VPS13A: variants seen among roughly 807,000 people sequenced by gnomAD.
VPS13A encodes intermembrane lipid transfer protein VPS13A.
A neutral mutation model predicts 390.9 loss-of-function variants in VPS13A; 264 were observed. That is an observed-to-expected ratio of 0.68 (90% CI 0.61 to 0.75). The LOEUF is 0.75. VPS13A is among the 30% of genes least tolerant of loss of function. VPS13A has a pLI of 0.00. For missense variants in VPS13A, 3,409 were observed against 3,733.9 expected (o/e 0.91, Z 2.27); for synonymous variants, 1,231 against 1,227.1 (o/e 1.00, Z -0.07).
At chr9:77,357,636 A>G in intron 55 of VPS13A, 56 bp from the exon 56 acceptor site, 2 of 1,568,686 alleles carry the variant, frequency 1.3e-6, no homozygotes, top group Non-Finnish European at 1.7e-6. Flanking sequence ...TTAATTTCTA[A>G]TTCTAGTCAT....
At chr9:77,291,453 T>G (rs1380728172) in intron 31 of VPS13A, among the ~76,000 whole-genome samples, 1 of 152,196 alleles carries the variant, frequency 6.6e-6, no homozygotes, top group Non-Finnish European at 1.5e-5. Context: ...GCCTCTTTTC[T>G]GCTAAGCTAT....
rs1245572325 is a variant in VPS13A at position 77,219,955 on chromosome 9, A to G, written c.756A>G (p.Val252=). The G allele has an allele frequency of 3.7e-6, 6 of 1,613,288 alleles. No individual in the cohort carries two copies. The highest frequency in any genetic ancestry group is 1.1e-5 in the South Asian group (1 of 91,040). ...TTTTCCATTTTTATTATTTTTCAGT[A>G]TTTCGTCCCATATCTGCTAATGCCA... ...ENIVPEGYDF[V]FRPISANAKL... Residue 252 remains valine, a splice_region_variant and synonymous_variant, in exon 11 of 72, where the codon GTA becomes GTG. Transcript: ENST00000360280.
Position 77,303,028 on chromosome 9 carries a change from G to C in VPS13A, c.3926G>C (p.Cys1309Ser), listed in dbSNP as rs1357958325. The C allele has an allele frequency of 6.2e-7, 1 of 1,613,986 alleles. No homozygotes were observed. The highest frequency in any genetic ancestry group is 1.3e-5 in the African/African-American group (1 of 75,036). Residue 1309 changes from cysteine to serine, a missense_variant, in exon 34 of 72, where the codon TGT (cysteine) becomes TCT (serine). Cys to Ser is a moderately radical substitution (Grantham distance 112). Coordinates refer to ENST00000360280, the MANE Select transcript of VPS13A (RefSeq NM_033305.3). ...LCWEWYQEVP[C>S]FNVNAQLKPM... is the part of the protein sequence containing the mutation. ...TGGGAGTGGTACCAGGAAGTTCCTT[G>C]TTTTAATGTAAATGCTCAGCTGAAA...
chr9:77,334,761 G>GA (rs1177296299), intron 46 of VPS13A, among the ~76,000 whole-genome samples: 2 of 152,086 alleles, frequency 1.3e-5, no homozygotes, highest in East Asian at 1.9e-4. Context: ...GTTTAATTTG[G>GA]AAAAAATTAA....
rs1476527101 is a variant in VPS13A, at chr9:77,358,271, G to T, written c.7954-86G>T. 4 of 1,245,194 alleles carry T rather than the reference G, an allele frequency of 3.2e-6. No homozygotes were observed. The African/African-American group carries it at 6.0e-5, about 19-fold the overall frequency. The allele number at this position is 1,245,194 out of a possible 1,614,324, so 77.1% of individuals were successfully genotyped here. A position where few individuals can be genotyped will look rare whatever the true frequency, so the allele number is the denominator to read the frequency against. On this transcript the variant is annotated intron_variant, in intron 56 of 71. Coordinates refer to ENST00000360280, the MANE Select transcript of VPS13A (RefSeq NM_033305.3). ...GTGCTTGGTCACCGCTAGACTTTTT[G>T]ATTCTTTTTGTTCCTCAAATCCTGT... is the stretch of plus-strand genomic sequence containing the variant.
chr9:77,371,195 T>C (rs983625955), intron 67 of VPS13A, 46 bp downstream of exon 67: 1 of 1,612,256 alleles, frequency 6.2e-7, no homozygotes, highest in Non-Finnish European at 8.5e-7. Flanking sequence ...GCTGAAGCCA[T>C]GAGAAATGGA....
At chr9:77,285,310 C>T (rs146334888) in intron 31 of VPS13A, among the ~76,000 whole-genome samples, 1,775 of 152,216 alleles carry the variant, frequency 0.012, 45 homozygotes, top group African/African-American at 0.04. Context: ...GACATTGAGG[C>T]CCTCAACTTT....
At chr9:77,413,362 A>C (rs533004168) in intron 71 of VPS13A, among the ~76,000 whole-genome samples, 97 of 152,360 alleles carry the variant, frequency 6.4e-4, no homozygotes, top group African/African-American at 2.2e-3. Context: ...TACAGTAACC[A>C]AAACAGCATG....
rs1428051915 is a variant in VPS13A, at chr9:77,213,084, A to G, written c.615+56A>G. The G allele has an allele frequency of 2.5e-6, 4 of 1,593,052 alleles. No individual in the cohort carries two copies. In the African/African-American group the frequency reaches 4.0e-5, roughly 16 times the overall value. On this transcript the variant is annotated intron_variant, in intron 8 of 71. Transcript: ENST00000360280. ...GACTTAAGAGAATTTTGGAAAGCCA[A>G]ATGATAATATATAGATAAGGATGTA...
At chr9:77,372,019 T>C (rs981286581) in intron 67 of VPS13A, among the ~76,000 whole-genome samples, 1 of 149,306 alleles carries the variant, frequency 6.7e-6, no homozygotes, top group Admixed American at 6.7e-5. Context: ...CCATGGTGTA[T>C]ATGTGCCACG....
At chr9:77,325,791 C>T (rs1699900662) in intron 45 of VPS13A, among the ~76,000 whole-genome samples, 1 of 152,148 alleles carries the variant, frequency 6.6e-6, no homozygotes, top group Admixed American at 6.5e-5. Context: ...TCATCTCCCA[C>T]ATTCGTATAA....
At chr9:77,288,111 C>G (rs780344519) in intron 31 of VPS13A, among the ~76,000 whole-genome samples, 14 of 152,088 alleles carry the variant, frequency 9.2e-5, no homozygotes, top group Non-Finnish European at 1.5e-4. Flanking sequence ...TCCAAAGTAT[C>G]AAATAAATGG....
intron 33 of VPS13A, among the ~76,000 whole-genome samples, chr9:77,296,879 T>A (rs2131378708): frequency 6.6e-6 from 1 of 152,240 alleles, no homozygotes; most frequent in Middle Eastern, 3.4e-3. Flanking sequence ...TGAGCGATCC[T>A]CCCTAATTTC....
intron 3 of VPS13A, among the ~76,000 whole-genome samples, chr9:77,202,864 C>G (rs961304104): frequency 8.5e-5 from 13 of 152,144 alleles, no homozygotes; most frequent in Non-Finnish European, 1.3e-4. Context: ...GTACCTCTGT[C>G]GTAGCACCTG....
intron 31 of VPS13A, among the ~76,000 whole-genome samples, chr9:77,286,497 G>T (rs915493878): frequency 6.6e-6 from 1 of 152,152 alleles, no homozygotes; most frequent in Non-Finnish European, 1.5e-5. Context: ...ATTTATATTT[G>T]CAGGGTAGTT....
chr9:77,401,665 C>T (rs75693407), intron 68 of VPS13A, among the ~76,000 whole-genome samples: 4 of 152,224 alleles, frequency 2.6e-5, no homozygotes, highest in Non-Finnish European at 4.4e-5. Context: ...ACTCATGATG[C>T]TTCTTCCTCT....
At chr9:77,178,695 AGT>A (rs1823813304) in intron 1 of VPS13A, among the ~76,000 whole-genome samples, 1 of 152,074 alleles carries the variant, frequency 6.6e-6, no homozygotes, top group Non-Finnish European at 1.5e-5. Flanking sequence ...CCTCATTTTT[AGT>A]GTTTCCATCT....
At chr9:77,409,243 T>C (rs1221266789) in intron 71 of VPS13A, among the ~76,000 whole-genome samples, 4 of 152,188 alleles carry the variant, frequency 2.6e-5, no homozygotes, top group African/African-American at 9.6e-5. Flanking sequence ...TCCTGACTGT[T>C]TGTTAGAAGG....
chr9:77,214,746 A>G (rs1010409774), intron 10 of VPS13A, among the ~76,000 whole-genome samples: 31 of 152,318 alleles, frequency 2.0e-4, no homozygotes, highest in African/African-American at 7.0e-4. Flanking sequence ...CGAAATAGTA[A>G]GATCACGCTG....
Sources: gnomAD v4.1 joint callset for allele counts (sites outside exome capture counted in the v4.1 genomes callset) on GRCh38, gnomAD v4.1.1 for gene constraint, MANE v1.5 for transcripts, NCBI Gene and HGNC (gene_info 2026-07-23, HGNC 2026-07-21) for gene names.